HECTD2: variants seen among roughly 807,000 people sequenced by gnomAD.
HECTD2 encodes the protein probable E3 ubiquitin-protein ligase HECTD2.
In HECTD2, 35 loss-of-function variants were observed where a neutral mutation model predicts 103.2. The ratio of observed to expected loss-of-function variants is 0.34; its 90% CI spans 0.26 to 0.45. HECTD2 has a LOEUF of 0.45. HECTD2 is among the 20% of genes least tolerant of loss of function. HECTD2 has a pLI of 1.00. For missense variants in HECTD2, 596 were observed against 937.4 expected, an observed-to-expected ratio of 0.64 and a Z score of 4.76; for synonymous variants, 281 against 329.9, an observed-to-expected ratio of 0.85 and a Z score of 1.61.
At chr10:91,477,531 A>C (rs879441230) in intron 5 of HECTD2, among the ~76,000 whole-genome samples, 1 of 152,184 alleles carries the variant, frequency 6.6e-6, no homozygotes, top group Non-Finnish European at 1.5e-5. Flanking sequence ...GCAGAGGAAG[A>C]GAAAGGAATG....
At chr10:91,435,139 A>G (rs989453407) in intron 2 of HECTD2, among the ~76,000 whole-genome samples, 1 of 151,952 alleles carries the variant, frequency 6.6e-6, no homozygotes, top group Non-Finnish European at 1.5e-5. Flanking sequence ...AGCAATCAAG[A>G]GCACTACTGG....
At chr10:91,417,555 C>T (rs1249320903) in intron 1 of HECTD2, among the ~76,000 whole-genome samples, 1 of 151,954 alleles carries the variant, frequency 6.6e-6, no homozygotes, top group Non-Finnish European at 1.5e-5. Context: ...GTGATGTTCC[C>T]TTTCCTGTGT....
At chr10:91,473,902 T>G (rs1845815818) in intron 5 of HECTD2, among the ~76,000 whole-genome samples, 1 of 152,098 alleles carries the variant, frequency 6.6e-6, no homozygotes, top group Admixed American at 6.6e-5. Flanking sequence ...TCTACTGCAT[T>G]GGGGGTCAGC....
chr10:91,450,480 C>T (rs1352069962), intron 2 of HECTD2, among the ~76,000 whole-genome samples: 2 of 152,194 alleles, frequency 1.3e-5, no homozygotes, highest in Admixed American at 1.3e-4. Context: ...GACTTCACGG[C>T]TAAAACACCA....
intron 5 of HECTD2, among the ~76,000 whole-genome samples, chr10:91,472,325 T>C (rs929378473): frequency 6.6e-6 from 1 of 152,128 alleles, no homozygotes; most frequent in Admixed American, 6.6e-5. Context: ...TTAAAGACTT[T>C]AATGTAAAAA....
intron 5 of HECTD2, among the ~76,000 whole-genome samples, chr10:91,474,882 G>A (rs1291138902): frequency 6.6e-6 from 1 of 152,154 alleles, no homozygotes; most frequent in Admixed American, 6.5e-5. Context: ...CAACAATTGA[G>A]GTCTTAATGA....
intron 5 of HECTD2, among the ~76,000 whole-genome samples, chr10:91,464,335 A>G (rs1485704083): frequency 1.3e-5 from 2 of 152,214 alleles, no homozygotes; most frequent in Admixed American, 6.5e-5. Context: ...GGCTTAAAAA[A>G]TTGCTGGTTG....
intron 5 of HECTD2, chr10:91,462,565 T>C: frequency 2.0e-6 from 2 of 1,025,354 alleles, no homozygotes; most frequent in Non-Finnish European, 2.4e-6. Context: ...TCAGATTCAG[T>C]AGGTCTTGGG....
chr10:91,478,726 G>T (rs1845992223), intron 6 of HECTD2, among the ~76,000 whole-genome samples: 1 of 151,626 alleles, frequency 6.6e-6, no homozygotes, highest in Admixed American at 6.6e-5. Context: ...GGAATCATGG[G>T]CAATTTAATT....
In HECTD2 at chr10:91,455,896, T is replaced by A. The variant is rs574272439; in HGVS notation, c.269-4531T>A. On this transcript the variant is annotated intron_variant, in intron 2 of 20. Transcript: ENST00000298068. ...TCAGATGGTTGTAGATGTGTGGTATTATTTCTGAGGGCTCTGTTCTGTTCC... is the reference window on the plus strand; with the variant it reads ...TCAGATGGTTGTAGATGTGTGGTATAATTTCTGAGGGCTCTGTTCTGTTCC... Among the ~76,000 whole-genome samples the A allele has an allele frequency of 2.0e-5, 3 of 152,228 alleles. No homozygotes were observed. The South Asian group carries it at 6.2e-4, about 32-fold the overall frequency.
chr10:91,499,349 C>A (rs1371403417), intron 18 of HECTD2, among the ~76,000 whole-genome samples, 199 bp downstream of exon 18: 1 of 152,132 alleles, frequency 6.6e-6, no homozygotes, highest in African/African-American at 2.4e-5. Flanking sequence ...CCAGTCAGTT[C>A]ATTTTCTCTC....
chr10:91,414,051 A>G (rs1564694754), intron 1 of HECTD2, among the ~76,000 whole-genome samples: 1 of 152,206 alleles, frequency 6.6e-6, no homozygotes, highest in Non-Finnish European at 1.5e-5. Context: ...GTGAATGAGA[A>G]AGAAGAAAAT....
chr10:91,503,362 G>A (rs1451115243), intron 20 of HECTD2, among the ~76,000 whole-genome samples: 1 of 152,204 alleles, frequency 6.6e-6, no homozygotes, highest in Non-Finnish European at 1.5e-5. Flanking sequence ...TCCATCTGAG[G>A]TACCGGGTTC....
chr10:91,473,687 T>C (rs564391074), intron 5 of HECTD2, among the ~76,000 whole-genome samples: 7 of 152,214 alleles, frequency 4.6e-5, no homozygotes, highest in Non-Finnish European at 1.0e-4. Flanking sequence ...TTTATGATAA[T>C]TGCTTCCACT....
rs528933837 is a variant in HECTD2 at position 91,503,936 on chromosome 10, A to G, written c.2210+2602A>G. Among the ~76,000 whole-genome samples the G allele has an allele frequency of 4.2e-3, 637 of 152,332 alleles. 4 individuals carry two copies. Among genetic ancestry groups the G allele is most frequent in the Non-Finnish European group, 7.5e-3 (509 of 68,030 alleles). ...AGTACGCAGCTGGAGATCTGAGAAC[A>G]GGCAGACTGCCGCCTCAAGTGGGTC... On this transcript the variant is annotated intron_variant, in intron 20 of 20. Transcript: ENST00000298068.
rs1847480078 is a variant in HECTD2 at position 91,513,060 on chromosome 10, T to C, written c.*676T>C. The stretch of plus-strand genomic sequence containing the variant: ...AGCTTTTACAAATCAATAAAGATGA[T>C]TGTACAAGAGTATTTTCAGACTAAT... On this transcript the variant is annotated 3_prime_UTR_variant, in exon 21 of 21. Coordinates refer to ENST00000298068, the MANE Select transcript of HECTD2 (RefSeq NM_182765.6). 1 of 152,770 alleles carries C rather than the reference T, an allele frequency of 6.5e-6. No homozygotes were observed. The highest frequency in any genetic ancestry group is 1.9e-4 in the East Asian group (1 of 5,182). 9.5% of individuals were successfully genotyped at this position (152,770 alleles called of 1,614,324 possible).
chr10:91,457,786 G>A (rs558843270), intron 2 of HECTD2, among the ~76,000 whole-genome samples: 1 of 152,028 alleles, frequency 6.6e-6, no homozygotes, highest in African/African-American at 2.4e-5. Flanking sequence ...AACATGGTAA[G>A]AATCAAAGGG....
intron 11 of HECTD2, chr10:91,489,561 C>A (rs578204815): frequency 2.0e-5 from 3 of 152,198 alleles, no homozygotes; most frequent in African/African-American, 7.2e-5. Context: ...TCTTGTTTGC[C>A]ATTAGCATCC....
rs1201545484 is a variant in HECTD2 at position 91,501,272 on chromosome 10, A to G, written c.2148A>G (p.Val716=). The G allele has an allele frequency of 6.2e-7, 1 of 1,602,684 alleles. No individual in the cohort carries two copies. Among genetic ancestry groups the G allele is most frequent in the African/African-American group, 1.3e-5 (1 of 74,698 alleles). Residue 716 remains valine (V), a synonymous_variant, in exon 20 of 21, where the codon GTA becomes GTG. Coordinates refer to ENST00000298068, the MANE Select transcript of HECTD2 (RefSeq NM_182765.6). ...LLHFTTGSDR[V]PVGGMADLNF... ...ATTTTACTACAGGGAGTGACAGAGT[A>G]CCTGTAGGAGGGATGGCTGATTTGA...
Sources: gnomAD v4.1 joint callset for allele counts (sites outside exome capture counted in the v4.1 genomes callset) on GRCh38, gnomAD v4.1.1 for gene constraint, MANE v1.5 for transcripts, NCBI Gene and HGNC (gene_info 2026-07-23, HGNC 2026-07-21) for gene names.